Variants in CACNA1D observed in about 807,000 individuals in gnomAD.
CACNA1D encodes the protein calcium voltage-gated channel subunit alpha1 D, also known as voltage-dependent L-type calcium channel subunit alpha-1D.
In CACNA1D, 55 loss-of-function variants were observed where a neutral mutation model predicts 257.1. The observed-to-expected ratio is 0.21, with a 90% CI of 0.17 to 0.27. The LOEUF (loss-of-function observed/expected upper bound fraction) is 0.27, where lower values mean the gene tolerates loss of function less well. Among genes scored for constraint, CACNA1D ranks in the 10% least tolerant of loss-of-function variants. CACNA1D has a pLI of 1.00. For missense variants in CACNA1D, 1,876 were observed against 2,784.0 expected, an observed-to-expected ratio of 0.67 and a Z score of 7.34; for synonymous variants, 980 against 1,014.9, an observed-to-expected ratio of 0.97 and a Z score of 0.65.
At chr3:53,704,018 AGCGTGAGGGAG>A in intron 9 of CACNA1D, among the ~76,000 whole-genome samples, 1 of 152,310 alleles carries the variant, frequency 6.6e-6, no homozygotes, top group Middle Eastern at 3.4e-3. Flanking sequence ...CCAGGGGACT[AGCGTGAGGGAG>A]GCGTGGAGGT....
At chr3:53,651,537 G>C (rs1407275081) in intron 4 of CACNA1D, among the ~76,000 whole-genome samples, 2 of 152,076 alleles carry the variant, frequency 1.3e-5, no homozygotes, top group Non-Finnish European at 2.9e-5. Flanking sequence ...GTTGCAGGAA[G>C]AAGACATCAG....
intron 8 of CACNA1D, among the ~76,000 whole-genome samples, chr3:53,678,119 A>G (rs1166186696): frequency 1.3e-5 from 2 of 152,226 alleles, no homozygotes; most frequent in Non-Finnish European, 2.9e-5. Flanking sequence ...AGCCCAAGTT[A>G]TATTTTTAAA....
At chr3:53,629,771 G>T (rs1377446900) in intron 3 of CACNA1D, among the ~76,000 whole-genome samples, 1 of 152,172 alleles carries the variant, frequency 6.6e-6, no homozygotes, top group Non-Finnish European at 1.5e-5. Context: ...ACTTCAGAAA[G>T]TTCACCACTT....
chr3:53,625,765 T>TTAC (rs1243443326), intron 3 of CACNA1D, among the ~76,000 whole-genome samples: 1 of 152,238 alleles, frequency 6.6e-6, no homozygotes, highest in Non-Finnish European at 1.5e-5. Flanking sequence ...CATTTACAGA[T>TTAC]AGGACTTAAT....
At chr3:53,635,730 T>C (rs1005098089) in intron 3 of CACNA1D, among the ~76,000 whole-genome samples, 6 of 152,200 alleles carry the variant, frequency 3.9e-5, no homozygotes, top group African/African-American at 1.4e-4. Flanking sequence ...CATCCTGCCT[T>C]CTGCTATTCA....
At chr3:53,548,171 C>A (rs2092452572) in intron 3 of CACNA1D, among the ~76,000 whole-genome samples, 1 of 152,062 alleles carries the variant, frequency 6.6e-6, no homozygotes, top group Non-Finnish European at 1.5e-5. Context: ...CTCTTTGCAC[C>A]TTTCTCCCCT....
At chr3:53,513,084 G>A (rs531284326) in intron 3 of CACNA1D, among the ~76,000 whole-genome samples, 1 of 152,312 alleles carries the variant, frequency 6.6e-6, no homozygotes, top group Admixed American at 6.5e-5. Context: ...TCTTGTTTTT[G>A]TGTGGTTAGC....
chr3:53,665,945 C>A, intron 6 of CACNA1D, 133 bp downstream of exon 6: 1 of 701,082 alleles, frequency 1.4e-6, no homozygotes, highest in Admixed American at 2.4e-5. Context: ...ATTTACTGAG[C>A]CAGTTCTCAG....
At chr3:53,778,820 G>T (rs1302792461) in intron 37 of CACNA1D, among the ~76,000 whole-genome samples, 2 of 152,204 alleles carry the variant, frequency 1.3e-5, no homozygotes, top group Admixed American at 6.5e-5. Flanking sequence ...ACCAAAGCCT[G>T]GGAGAAGCCA....
At chr3:53,634,645 G>A (rs9857905) in intron 3 of CACNA1D, among the ~76,000 whole-genome samples, 4,280 of 152,242 alleles carry the variant, frequency 0.028, 216 homozygotes, top group African/African-American at 0.097. Context: ...GCGAGAGCTC[G>A]TGGAGGCCCT....
chr3:53,572,050 C>G (rs962991222), intron 3 of CACNA1D, among the ~76,000 whole-genome samples: 13 of 152,234 alleles, frequency 8.5e-5, no homozygotes, highest in African/African-American at 3.1e-4. Flanking sequence ...TTACCAAACT[C>G]TTCTTGCCTG....
chr3:53,688,152 A>G (rs2094489568), intron 8 of CACNA1D, among the ~76,000 whole-genome samples: 1 of 152,224 alleles, frequency 6.6e-6, no homozygotes, highest in South Asian at 2.1e-4. Context: ...AGCCTTATTC[A>G]TAGTAGCCCC....
intron 15 of CACNA1D, among the ~76,000 whole-genome samples, chr3:53,729,266 T>C (rs1203779569): frequency 1.3e-5 from 2 of 152,242 alleles, no homozygotes; most frequent in Admixed American, 6.5e-5. Context: ...TTCTCTCCTC[T>C]TTAAAACCTT....
chr3:53,748,567 G>A (rs1193348869), intron 26 of CACNA1D, among the ~76,000 whole-genome samples: 1 of 152,202 alleles, frequency 6.6e-6, no homozygotes, highest in Non-Finnish European at 1.5e-5. Flanking sequence ...CCTGGGACTC[G>A]GGGCTTGGAG....
intron 8 of CACNA1D, among the ~76,000 whole-genome samples, chr3:53,688,773 C>T (rs78214320): frequency 5.9e-5 from 9 of 152,328 alleles, no homozygotes; most frequent in African/African-American, 2.2e-4. Context: ...GTGAACCCAT[C>T]ATTCCTTCGA....
chr3:53,735,257 G>A, intron 19 of CACNA1D, 117 bp from the exon 20 acceptor site: 2 of 1,005,288 alleles, frequency 2.0e-6, no homozygotes. Context: ...TGCATGGGCA[G>A]CACAGCAGAC....
intron 3 of CACNA1D, among the ~76,000 whole-genome samples, chr3:53,531,017 A>G (rs2091931329): frequency 1.9e-5 from 2 of 105,176 alleles, no homozygotes; most frequent in East Asian, 4.6e-4. Flanking sequence ...AGCTAATTTT[A>G]ATTTTTTTTT....
chr3:53,615,587 A>G (rs1346910962), intron 3 of CACNA1D, among the ~76,000 whole-genome samples: 1 of 152,222 alleles, frequency 6.6e-6, no homozygotes, highest in East Asian at 1.9e-4. Context: ...CAGTGGGCTT[A>G]AAGTTGCTGA....
At position 53,801,313 on chromosome 3, in the gene CACNA1D, G is replaced by C. The variant is rs199874790; in HGVS notation, c.5296G>C (p.Ala1766Pro). The change falls in exon 42 of 48, where the codon GCT becomes CCT. Residue 1766 changes from alanine to proline, a missense_variant. Coordinates refer to ENST00000350061, the MANE Select transcript of CACNA1D (RefSeq NM_001128840.3). ...TCTCAATAATGCCAATATGTCCAAA[G>C]CTGCCCATGGAAAGCGGCCCAGCAT... ...ANLNNANMSK[A>P]AHGKRPSIGN... 879 of 1,614,140 alleles carry C rather than the reference G, an allele frequency of 5.4e-4. No individual in the cohort carries two copies. The highest frequency in any genetic ancestry group is 7.0e-4 in the Non-Finnish European group (831 of 1,180,030).
Sources: gnomAD v4.1 joint callset for allele counts (sites outside exome capture counted in the v4.1 genomes callset) on GRCh38, gnomAD v4.1.1 for gene constraint, MANE v1.5 for transcripts, NCBI Gene and HGNC (gene_info 2026-07-23, HGNC 2026-07-21) for gene names.